The following PRR16 variants were observed in gnomAD, a reference collection of about 807,000 sequenced individuals.
PRR16 encodes the protein protein Largen.
A neutral mutation model predicts 18.2 loss-of-function variants in PRR16; 6 were observed. The observed-to-expected ratio is 0.33, with a 90% CI of 0.18 to 0.65. PRR16 has a LOEUF of 0.65. Among genes scored for constraint, PRR16 ranks in the 30% least tolerant of loss-of-function variants. PRR16 has a pLI of 0.74. For synonymous variants in PRR16, 151 were observed against 147.8 expected (o/e 1.02, Z -0.16); for missense variants, 412 against 376.6 (o/e 1.09, Z -0.78).
At chr5:120,534,924 A>G (rs567628221) in intron 1 of PRR16, among the ~76,000 whole-genome samples, 1 of 152,354 alleles carries the variant, frequency 6.6e-6, no homozygotes, top group South Asian at 2.1e-4. Context: ...AAATGACATT[A>G]TATTGAACTA....
chr5:120,761,189 A>G, the PRR16 span, among the ~76,000 whole-genome samples: 5 of 152,070 alleles, frequency 3.3e-5, no homozygotes, highest in African/African-American at 1.2e-4. Context: ...TATTTTAATT[A>G]ATCTCTATGC....
At chr5:120,701,928 C>T in the PRR16 span, among the ~76,000 whole-genome samples, 5 of 152,124 alleles carry the variant, frequency 3.3e-5, no homozygotes, top group South Asian at 2.1e-4. Context: ...GAACGACTGT[C>T]GAATTTGTAC....
chr5:120,552,988 G>A (rs937916028), intron 1 of PRR16, among the ~76,000 whole-genome samples: 1 of 151,854 alleles, frequency 6.6e-6, no homozygotes, highest in Non-Finnish European at 1.5e-5. Context: ...GGATGACATA[G>A]TTCAGAGAAT....
chr5:120,577,409 A>T (rs1227133927), intron 1 of PRR16, among the ~76,000 whole-genome samples: 2 of 151,640 alleles, frequency 1.3e-5, no homozygotes, highest in African/African-American at 2.4e-5. Flanking sequence ...ACGCCCACAG[A>T]CAATAATTTG....
At chr5:120,600,779 T>C (rs529787538) in intron 1 of PRR16, among the ~76,000 whole-genome samples, 1 of 152,082 alleles carries the variant, frequency 6.6e-6, no homozygotes, top group Admixed American at 6.6e-5. Flanking sequence ...TTTATGTCCA[T>C]GTAAGCCCAA....
intron 1 of PRR16, among the ~76,000 whole-genome samples, chr5:120,491,975 G>A (rs796211649): frequency 8.5e-5 from 13 of 152,154 alleles, no homozygotes; most frequent in African/African-American, 3.1e-4. Context: ...TTGAATCAAT[G>A]CATTTAGAAT....
the PRR16 span, chr5:120,790,252 C>G: frequency 6.6e-6 from 1 of 152,150 alleles, no homozygotes; most frequent in Non-Finnish European, 1.5e-5. Context: ...ATGGAAAGGA[C>G]TATCAAGAAG....
chr5:120,626,343 CAGTATGTTA>C (rs978896537), intron 1 of PRR16, among the ~76,000 whole-genome samples: 1 of 152,000 alleles, frequency 6.6e-6, no homozygotes, highest in Admixed American at 6.6e-5. Context: ...CCCACAGAAA[CAGTATGTTA>C]AGTAAAAGAA....
At chr5:120,566,027 T>C (rs1288921610) in intron 1 of PRR16, among the ~76,000 whole-genome samples, 2 of 152,214 alleles carry the variant, frequency 1.3e-5, no homozygotes, top group East Asian at 3.8e-4. Flanking sequence ...TTCCAAAACT[T>C]ATGTTGAAAT....
In PRR16 at chr5:120,554,862, A is replaced by T. The variant is rs539256718; in HGVS notation, c.159+90217A>T. 1.2e-4 allele frequency among the ~76,000 whole-genome samples: 18 copies of T among 152,026 alleles called. No individual in the cohort carries two copies. In the South Asian group the frequency reaches 2.9e-3, roughly 25 times the overall value. On this transcript the variant is annotated intron_variant, in intron 1 of 1. Transcript: ENST00000407149. ...AAGAATTTTCTTGAACACAAGAAAG[A>T]TACCTAAACACAGCAGAAGCAGCTA...
chr5:120,768,761 AAATTT>A, the PRR16 span, among the ~76,000 whole-genome samples: 16 of 151,944 alleles, frequency 1.1e-4, no homozygotes, highest in East Asian at 9.6e-4. Context: ...CATATCTGGC[AAATTT>A]AATTTAAGAG....
At chr5:120,653,102 A>G (rs934580798) in intron 1 of PRR16, among the ~76,000 whole-genome samples, 13 of 152,110 alleles carry the variant, frequency 8.5e-5, no homozygotes, top group South Asian at 6.2e-4. Context: ...AATTCATGCT[A>G]TTATAAATCA....
intron 1 of PRR16, among the ~76,000 whole-genome samples, chr5:120,667,658 T>C (rs996938355): frequency 6.6e-6 from 1 of 151,810 alleles, no homozygotes; most frequent in Non-Finnish European, 1.5e-5. Context: ...TGTTGTGTCT[T>C]TGTTCTCGTT....
chr5:120,642,094 C>T (rs1037804375), intron 1 of PRR16, among the ~76,000 whole-genome samples: 9 of 152,042 alleles, frequency 5.9e-5, no homozygotes, highest in African/African-American at 1.9e-4. Flanking sequence ...TCTATTTATC[C>T]GTTCCTTTGC....
the PRR16 span, among the ~76,000 whole-genome samples, chr5:120,700,482 T>G: frequency 1.3e-4 from 20 of 151,864 alleles, no homozygotes; most frequent in African/African-American, 2.9e-4. Context: ...CTTTAGATTG[T>G]GAAGAAGGGT....
chr5:120,511,437 T>C (rs551766683), intron 1 of PRR16, among the ~76,000 whole-genome samples: 1 of 152,306 alleles, frequency 6.6e-6, no homozygotes, highest in African/African-American at 2.4e-5. Flanking sequence ...TAGCCAGTTT[T>C]CTGTGTCTGG....
the PRR16 span, among the ~76,000 whole-genome samples, chr5:120,793,071 G>A: frequency 6.6e-6 from 1 of 151,882 alleles, no homozygotes; most frequent in Non-Finnish European, 1.5e-5. Context: ...AGGATGGCTT[G>A]AGCCCAGGAG....
intron 1 of PRR16, among the ~76,000 whole-genome samples, chr5:120,602,436 G>A (rs1395359475): frequency 6.6e-6 from 1 of 152,044 alleles, no homozygotes; most frequent in Non-Finnish European, 1.5e-5. Context: ...CTTTACTGAA[G>A]TTGTTTATCA....
At chr5:120,712,205 C>A in the PRR16 span, among the ~76,000 whole-genome samples, 1 of 152,080 alleles carries the variant, frequency 6.6e-6, no homozygotes, top group Non-Finnish European at 1.5e-5. Context: ...TAGTTACCTC[C>A]TTTGTGCGTG....
Sources: allele counts gnomAD v4.1 joint callset (sites outside exome capture counted in the v4.1 genomes callset), GRCh38; gene constraint gnomAD v4.1.1; transcripts MANE v1.5; gene names NCBI Gene and HGNC (gene_info 2026-07-23, HGNC 2026-07-21).